The following DMD variants were observed in gnomAD, a reference collection of about 807,000 sequenced individuals.
The protein encoded by DMD is mutant dystrophin.
DMD carries 63 observed loss-of-function variants against 330.1 expected under a neutral mutation model. The ratio of observed to expected loss-of-function variants is 0.19; its 90% CI spans 0.16 to 0.24. DMD has a LOEUF of 0.24. Among genes scored for constraint, DMD ranks in the 10% least tolerant of loss-of-function variants. The pLI, the probability that DMD is intolerant of heterozygous loss-of-function variation, is 1.00. For synonymous variants in DMD, 1,223 were observed against 959.8 expected, an observed-to-expected ratio of 1.27 and a Z score of -5.07; for missense variants, 3,344 against 2,684.1, an observed-to-expected ratio of 1.25 and a Z score of -5.43.
rs140637861 is a variant in DMD, at chrX:32,169,210, C to T, written c.6438+47706G>A. Among the ~76,000 whole-genome samples the T allele has an allele frequency of 3.2e-3, 357 of 111,875 alleles. 1 individual carries two copies. The highest frequency in any genetic ancestry group is 0.011 in the African/African-American group (337 of 30,816). ...AGAGCAGCCTATGGGATGGCCAAGT[C>T]CTTGAAGGTGACAGGGATTTGACAA... is the stretch of plus-strand genomic sequence containing the variant. On this transcript the variant is annotated intron_variant, in intron 44 of 78. Transcript: ENST00000357033.
At chrX:32,537,234 A>G (rs2048075042) in intron 17 of DMD, among the ~76,000 whole-genome samples, 1 of 111,581 alleles carries the variant, frequency 9.0e-6, no homozygotes, top group Admixed American at 9.6e-5. Flanking sequence ...ATCCAGGAAT[A>G]CATAGCCTAT....
intron 63 of DMD, among the ~76,000 whole-genome samples, chrX:31,237,226 G>A (rs1281327243): frequency 8.9e-6 from 1 of 112,531 alleles, no homozygotes; most frequent in Non-Finnish European, 1.9e-5. Flanking sequence ...AGAGGTGCAA[G>A]AAGAGAATCT....
chrX:31,277,207 T>C (rs955045862), intron 62 of DMD, among the ~76,000 whole-genome samples: 1 of 111,329 alleles, frequency 9.0e-6, no homozygotes, highest in Non-Finnish European at 1.9e-5. Flanking sequence ...TCTACTCTCT[T>C]AGCAATTTTC....
intron 49 of DMD, among the ~76,000 whole-genome samples, chrX:31,824,595 A>G (rs2092851003): frequency 8.9e-6 from 1 of 111,772 alleles, no homozygotes; most frequent in Non-Finnish European, 1.9e-5. Flanking sequence ...AGAAAAGCTA[A>G]GAAACAAGAT....
At chrX:32,226,181 C>A (rs181490663) in intron 43 of DMD, among the ~76,000 whole-genome samples, 121 of 111,975 alleles carry the variant, frequency 1.1e-3, no homozygotes, top group Middle Eastern at 4.6e-3. Flanking sequence ...TCAGCGCTCT[C>A]TAACAGACAA....
chrX:31,932,686 C>T (rs1449785614), intron 45 of DMD, among the ~76,000 whole-genome samples: 1 of 112,046 alleles, frequency 8.9e-6, no homozygotes, highest in African/African-American at 3.2e-5. Context: ...GCAGAGGCTG[C>T]AGTAAGCCGA....
rs775224818 is a variant in DMD at position 32,534,006 on chromosome X, A to G, written c.2168+11153T>C. On this transcript the variant is annotated intron_variant, in intron 17 of 78. Transcript: ENST00000357033. ...ACTGCCAGCATCATGACCTGTTTCA[A>G]TCCATCTACTGTGTTAGTAAGCATC... Among the ~76,000 whole-genome samples, 51 of 112,053 alleles carry G rather than the reference A, an allele frequency of 4.6e-4. 1 individual carries two copies. Among genetic ancestry groups the G allele is most frequent in the Non-Finnish European group, 9.0e-4 (48 of 53,265 alleles).
chrX:31,751,973 C>T (rs1472690568), intron 51 of DMD, among the ~76,000 whole-genome samples: 2 of 111,919 alleles, frequency 1.8e-5, no homozygotes, highest in African/African-American at 6.5e-5. Flanking sequence ...GCTTTTAGAG[C>T]CTGCCTGCAT....
intron 41 of DMD, among the ~76,000 whole-genome samples, chrX:32,316,821 T>A (rs1233235228): frequency 9.0e-6 from 1 of 111,168 alleles, no homozygotes; most frequent in Non-Finnish European, 1.9e-5. Context: ...ATCTATTCCT[T>A]AAAAGTATAG....
chrX:31,643,961 T>C (rs942688072), intron 54 of DMD, among the ~76,000 whole-genome samples: 1 of 112,029 alleles, frequency 8.9e-6, no homozygotes, highest in East Asian at 2.8e-4. Context: ...ATGGCAAATA[T>C]ATGTCAGTAT....
At chrX:32,877,949 C>A (rs1168118161) in intron 2 of DMD, among the ~76,000 whole-genome samples, 2 of 112,126 alleles carry the variant, frequency 1.8e-5, no homozygotes, top group East Asian at 2.8e-4. Flanking sequence ...TACTTGCCAT[C>A]CCTGAGAACA....
At chrX:32,996,556 C>T (rs753337143) in intron 2 of DMD, among the ~76,000 whole-genome samples, 2 of 111,935 alleles carry the variant, frequency 1.8e-5, no homozygotes, top group South Asian at 3.7e-4. Flanking sequence ...GCCGCGGTGG[C>T]TCATGCCTGT....
intron 2 of DMD, among the ~76,000 whole-genome samples, chrX:32,868,684 T>C (rs1416536311): frequency 8.9e-6 from 1 of 112,454 alleles, no homozygotes; most frequent in South Asian, 3.6e-4. Flanking sequence ...CCCTCCTCAC[T>C]GGGCAGGGCC....
chrX:32,335,692 CAT>C (rs2097705854), intron 41 of DMD, among the ~76,000 whole-genome samples: 1 of 106,782 alleles, frequency 9.4e-6, no homozygotes, highest in Non-Finnish European at 1.9e-5. Context: ...TAACATATAA[CAT>C]GTTATATACA....
chrX:31,425,612 T>C (rs988302255), intron 60 of DMD, among the ~76,000 whole-genome samples: 3 of 110,569 alleles, frequency 2.7e-5, no homozygotes, highest in African/African-American at 1.0e-4. Context: ...TGAGATCCAG[T>C]TCTAGTTGAC....
At chrX:31,842,712 T>A (rs924202769) in intron 48 of DMD, among the ~76,000 whole-genome samples, 12 of 112,171 alleles carry the variant, frequency 1.1e-4, no homozygotes, top group Non-Finnish European at 1.9e-4. Flanking sequence ...AGTATTTTTT[T>A]AAATAATTTC....
intron 1 of DMD, among the ~76,000 whole-genome samples, chrX:33,024,594 A>G (rs1248132077): frequency 8.9e-6 from 1 of 112,223 alleles, no homozygotes; most frequent in Non-Finnish European, 1.9e-5. Context: ...TTTATTCAGT[A>G]TATGTGGCCT....
chrX:32,764,957 GT>G (rs35691071), intron 7 of DMD, among the ~76,000 whole-genome samples: 3,446 of 91,794 alleles, frequency 0.038, 104 homozygotes, highest in African/African-American at 0.11. Flanking sequence ...TATTTTCTGG[GT>G]TTTTTTTTTT....
chrX:33,123,731 T>G (rs901559919), intron 1 of DMD, among the ~76,000 whole-genome samples: 4 of 110,345 alleles, frequency 3.6e-5, no homozygotes, highest in East Asian at 5.7e-4. Flanking sequence ...ATGAGTTTTT[T>G]TTTTTTTTTT....
Sources: allele counts gnomAD v4.1 joint callset (sites outside exome capture counted in the v4.1 genomes callset), GRCh38; gene constraint gnomAD v4.1.1; transcripts MANE v1.5; gene names NCBI Gene and HGNC (gene_info 2026-07-23, HGNC 2026-07-21).